The following FAAP20 variants were observed in gnomAD, a reference collection of about 807,000 sequenced individuals.
FAAP20 encodes Fanconi anemia core complex-associated protein 20.
A neutral mutation model predicts 16.2 loss-of-function variants in FAAP20; 12 were observed. The ratio of observed to expected loss-of-function variants is 0.74; its 90% confidence interval spans 0.48 to 1.20. The LOEUF (loss-of-function observed/expected upper bound fraction) is 1.20. Ranked by LOEUF, FAAP20 falls within the 50% of genes most tolerant of loss-of-function variation. FAAP20 has a pLI of 0.00. For missense variants in FAAP20, 288 were observed against 245.8 expected, an observed-to-expected ratio of 1.17 and a Z score of -1.15; for synonymous variants, 141 against 110.7, an observed-to-expected ratio of 1.27 and a Z score of -1.72.
At chr1:2,208,123 T>C (rs1689333326), downstream of FAAP20, among the ~76,000 whole-genome samples, 3 of 152,052 alleles carry the variant, frequency 2.0e-5, no homozygotes, top group Admixed American at 6.5e-5. Context: ...GCTCAGCCCC[T>C]GCCTGGGGGG....
At chr1:2,205,492 G>C (rs1387026978) in intron 3 of FAAP20, among the ~76,000 whole-genome samples, 2 of 151,934 alleles carry the variant, frequency 1.3e-5, no homozygotes, top group Non-Finnish European at 2.9e-5. Context: ...CTCGTTCTGC[G>C]ACCTCCAGGG....
chr1:2,206,864 GGCCCACGAGCCCCA>G (rs1689278186), intron 1 of FAAP20, among the ~76,000 whole-genome samples: 1 of 147,944 alleles, frequency 6.8e-6, no homozygotes, highest in Non-Finnish European at 1.5e-5. Context: ...TGGGACCCCT[GGCCCACGAGCCCCA>G]GGCCACGGCC....
upstream of FAAP20, among the ~76,000 whole-genome samples, chr1:2,202,388 G>A (rs190157828): frequency 9.8e-4 from 149 of 152,326 alleles, 1 homozygote; most frequent in Admixed American, 2.0e-3. Flanking sequence ...GCCCAGGCTG[G>A]AGTGCAGTGG....
chr1:2,188,574 C>T (rs936279221), downstream of FAAP20, among the ~76,000 whole-genome samples: 1 of 152,212 alleles, frequency 6.6e-6, no homozygotes, highest in Non-Finnish European at 1.5e-5. Context: ...GCCCCGACCT[C>T]CTGTCCTGGC....
At chr1:2,194,609 GC>G in intron 1 of FAAP20, 78 bp downstream of exon 1, 1 of 789,402 alleles carries the variant, frequency 1.3e-6, no homozygotes, top group Non-Finnish European at 1.6e-6. Context: ...GGAGAATAGA[GC>G]GGGAGGCCCG....
chr1:2,185,563 G>A (rs1471130026), downstream of FAAP20: 4 of 710,002 alleles, frequency 5.6e-6, no homozygotes, highest in Non-Finnish European at 1.1e-5. Flanking sequence ...ACCCCGGTAA[G>A]TTCCTGTTGT....
downstream of FAAP20, chr1:2,185,560 T>A (rs2100604689): frequency 1.4e-6 from 1 of 711,394 alleles, no homozygotes; most frequent in South Asian, 1.5e-5. Context: ...AAAACCCCGG[T>A]AAGTTCCTGT....
downstream of FAAP20, among the ~76,000 whole-genome samples, chr1:2,188,720 C>A (rs1265864326): frequency 6.6e-6 from 1 of 151,936 alleles, no homozygotes; most frequent in African/African-American, 2.4e-5. Flanking sequence ...AAAACACCAC[C>A]GATGGTGGAG....
upstream of FAAP20, chr1:2,197,872 G>C (rs1435094524): frequency 1.0e-6 from 1 of 983,156 alleles, no homozygotes; most frequent in East Asian, 6.2e-5. Flanking sequence ...GCCTCCACTT[G>C]TCAGGAAGCC....
downstream of FAAP20, among the ~76,000 whole-genome samples, chr1:2,208,224 C>G (rs1689338685): frequency 6.6e-6 from 1 of 152,068 alleles, no homozygotes; most frequent in African/African-American, 2.4e-5. Context: ...AGCCCGGGGC[C>G]TTGGCTGCAC....
intron 1 of FAAP20, 126 bp downstream of exon 1, chr1:2,194,562 G>T: frequency 2.6e-6 from 1 of 386,370 alleles, no homozygotes; most frequent in African/African-American, 2.2e-5. Context: ...CGACGGGCGT[G>T]GGGGCCGGGC....
At chr1:2,187,661 G>A (rs1446221172), downstream of FAAP20, among the ~76,000 whole-genome samples, 1 of 152,200 alleles carries the variant, frequency 6.6e-6, no homozygotes, top group African/African-American at 2.4e-5. Flanking sequence ...CCAGCAAAAT[G>A]AGCAGAAGGT....
At chr1:2,194,450 C>A (rs1231297316) in intron 1 of FAAP20, among the ~76,000 whole-genome samples, 1 of 127,946 alleles carries the variant, frequency 7.8e-6, no homozygotes, top group African/African-American at 2.9e-5. Flanking sequence ...TCAGGGGAGA[C>A]GCGATGATGG....
rs902946331 is a variant in FAAP20, at chr1:2,192,890, G to A, written c.470+749C>T. 1.4e-5 allele frequency: 18 copies of A among 1,301,998 alleles called. No individual in the cohort carries two copies. In the African/African-American group the frequency reaches 1.5e-4, roughly 11 times the overall value. 80.7% of individuals were successfully genotyped at this position (1,301,998 alleles called of 1,614,324 possible). On this transcript the variant is annotated intron_variant, in intron 3 of 3. Coordinates refer to ENST00000378546, the MANE Select transcript of FAAP20 (RefSeq NM_182533.4). Reference sequence around the variant, plus strand: ...GCTGGGATTACAGGCGTGAGCCACCGTGCCCGGCCTTTTCTTTTGTTGTTG... The same window carrying A: ...GCTGGGATTACAGGCGTGAGCCACCATGCCCGGCCTTTTCTTTTGTTGTTG...
At chr1:2,189,100 CG>C (rs1687871354), downstream of FAAP20, among the ~76,000 whole-genome samples, 1 of 151,108 alleles carries the variant, frequency 6.6e-6, no homozygotes, top group Non-Finnish European at 1.5e-5. Flanking sequence ...GAAGCCAAGG[CG>C]GGAGGATCGC....
chr1:2,189,858 G>T, intron 3 of FAAP20, 77 bp from the exon 4 acceptor site: 1 of 1,132,160 alleles, frequency 8.8e-7, no homozygotes, highest in Non-Finnish European at 1.3e-6. Flanking sequence ...GGACCTCCGG[G>T]CCCTCTCTGC....
downstream of FAAP20, chr1:2,184,799 A>G (rs1285262161): frequency 2.9e-6 from 4 of 1,388,234 alleles, no homozygotes; most frequent in African/African-American, 1.4e-5. Context: ...CTTGAGTCCC[A>G]CCCGCCTGGT....
chr1:2,194,636 G>A (rs1688684984), intron 1 of FAAP20, 52 bp downstream of exon 1: 1 of 1,012,136 alleles, frequency 9.9e-7, no homozygotes, highest in Non-Finnish European at 1.2e-6. Flanking sequence ...GCGCCGGGAA[G>A]CACGTGGGAG....
intron 3 of FAAP20, chr1:2,192,926 C>T (rs1045949826): frequency 2.3e-6 from 3 of 1,303,116 alleles, no homozygotes; most frequent in Non-Finnish European, 3.0e-6. Flanking sequence ...TTGTTGTTGG[C>T]TGCCAACTTT....
Sources: gnomAD v4.1 joint callset for allele counts (sites outside exome capture counted in the v4.1 genomes callset) on GRCh38, gnomAD v4.1.1 for gene constraint, MANE v1.5 for transcripts, NCBI Gene and HGNC (gene_info 2026-07-23, HGNC 2026-07-21) for gene names.